Variants in RAP1GAP2 observed in about 807,000 individuals in gnomAD.
The protein encoded by RAP1GAP2 is rap1 GTPase-activating protein 2.
RAP1GAP2 carries 27 observed loss-of-function variants against 95.0 expected under a neutral mutation model. The observed-to-expected ratio is 0.28, with a 90% CI of 0.21 to 0.39. The LOEUF (loss-of-function observed/expected upper bound fraction) is 0.39, where lower values mean the gene tolerates loss of function less well. Among genes scored for constraint, RAP1GAP2 ranks in the 10% least tolerant of loss-of-function variants. The pLI is 1.00. For missense variants in RAP1GAP2, 771 were observed against 970.0 expected (o/e 0.79, Z 2.72); for synonymous variants, 373 against 380.9 (o/e 0.98, Z 0.24).
At position 2,913,413 on chromosome 17, in the gene RAP1GAP2, C is replaced by G. The variant is rs1035340424; in HGVS notation, c.165+8045C>G. ...AAGCGATTCTCCTCCCTCAGCCTCCCGAGTAGCTGGGATTACAGGCACACG... is the reference window on the plus strand; with the variant it reads ...AAGCGATTCTCCTCCCTCAGCCTCCGGAGTAGCTGGGATTACAGGCACACG... On this transcript the variant is annotated intron_variant, in intron 3 of 24. Transcript: ENST00000254695. Among the ~76,000 whole-genome samples, 6 of 152,058 alleles carry G rather than the reference C, an allele frequency of 3.9e-5. No homozygotes were observed. The East Asian group carries it at 9.6e-4, about 24-fold the overall frequency.
intron 11 of RAP1GAP2, among the ~76,000 whole-genome samples, chr17:2,987,138 G>C (rs549917515): frequency 1.6e-4 from 24 of 152,236 alleles, no homozygotes; most frequent in Admixed American, 5.9e-4. Context: ...AAACTTTATC[G>C]ATAAACACAG....
chr17:2,894,861 G>A (rs1472173035), intron 2 of RAP1GAP2, among the ~76,000 whole-genome samples: 9 of 152,084 alleles, frequency 5.9e-5, no homozygotes, highest in East Asian at 5.8e-4. Context: ...GCCCCGTTTC[G>A]GTCTTCCCCT....
At chr17:2,781,392 G>A (rs1003531323) in intron 1 of RAP1GAP2, among the ~76,000 whole-genome samples, 5 of 152,268 alleles carry the variant, frequency 3.3e-5, no homozygotes, top group African/African-American at 1.2e-4. Context: ...GTGTGCCTGT[G>A]CATGTGGACA....
At chr17:2,962,995 G>T (rs1279948413) in intron 5 of RAP1GAP2, 4 of 546,252 alleles carry the variant, frequency 7.3e-6, no homozygotes, top group South Asian at 2.4e-5. Flanking sequence ...TCCCTACCCT[G>T]TGCAGTGTGT....
chr17:3,022,227 C>T (rs2046984230), intron 19 of RAP1GAP2, among the ~76,000 whole-genome samples: 2 of 152,174 alleles, frequency 1.3e-5, no homozygotes, highest in African/African-American at 4.8e-5. Context: ...GTGGTGGGGG[C>T]AGATGTCACA....
At chr17:2,828,868 G>A (rs1466284278) in intron 2 of RAP1GAP2, among the ~76,000 whole-genome samples, 1 of 151,758 alleles carries the variant, frequency 6.6e-6, no homozygotes, top group East Asian at 1.9e-4. Flanking sequence ...CGGTTTCTGG[G>A]TATCTGTGTC....
chr17:2,942,980 G>A (rs1355541550), intron 3 of RAP1GAP2, among the ~76,000 whole-genome samples: 1 of 151,998 alleles, frequency 6.6e-6, no homozygotes, highest in Non-Finnish European at 1.5e-5. Context: ...TGTTGGTCAG[G>A]CTGGTCTTGA....
At chr17:2,917,167 T>C (rs1462774378) in intron 3 of RAP1GAP2, among the ~76,000 whole-genome samples, 1 of 152,192 alleles carries the variant, frequency 6.6e-6, no homozygotes, top group Non-Finnish European at 1.5e-5. Flanking sequence ...CCTGGACCCC[T>C]CTGAGGTTCT....
At chr17:3,014,509 A>C (rs1401030879) in intron 17 of RAP1GAP2, among the ~76,000 whole-genome samples, 1 of 151,334 alleles carries the variant, frequency 6.6e-6, no homozygotes, top group Non-Finnish European at 1.5e-5. Context: ...TGGTGTTGTC[A>C]ACGCACAAGG....
intron 2 of RAP1GAP2, among the ~76,000 whole-genome samples, chr17:2,837,251 T>TG (rs1463409457): frequency 2.3e-5 from 3 of 130,672 alleles, no homozygotes; most frequent in African/African-American, 9.2e-5. Flanking sequence ...ACTCTGTCTC[T>TG]GGAAAAAAAA....
chr17:2,902,344 G>A lies in RAP1GAP2; in HGVS notation c.81-2940G>A, dbSNP rs959515186. Among the ~76,000 whole-genome samples the A allele has an allele frequency of 6.6e-6, 1 of 152,044 alleles. No individual in the cohort carries two copies. Among genetic ancestry groups the A allele is most frequent in the African/African-American group, 2.4e-5 (1 of 41,402 alleles). ...CGATTCTCTTGCCTCAGCCTCCCAAGTAGCTCGGATGACAGGCACACGCCA... is the reference window on the plus strand; with the variant it reads ...CGATTCTCTTGCCTCAGCCTCCCAAATAGCTCGGATGACAGGCACACGCCA... On this transcript the variant is annotated intron_variant, in intron 2 of 24. Coordinates refer to ENST00000254695, the MANE Select transcript of RAP1GAP2 (RefSeq NM_015085.5). This position sits in a 1 kb window ranked among gnomAD's most constrained non-coding sequence, Gnocchi z 4.1.
chr17:2,893,719 T>G (rs9907207), intron 2 of RAP1GAP2, among the ~76,000 whole-genome samples: 1 of 152,160 alleles, frequency 6.6e-6, no homozygotes, highest in Non-Finnish European at 1.5e-5. Flanking sequence ...GCTCCCCCCA[T>G]GGAGGCCAGG....
At chr17:2,967,853 A>G (rs141378951) in intron 8 of RAP1GAP2, among the ~76,000 whole-genome samples, 123 of 152,290 alleles carry the variant, frequency 8.1e-4, no homozygotes, top group Middle Eastern at 3.4e-3. Flanking sequence ...GGATGTCCCA[A>G]ATTTATAACA....
intron 3 of RAP1GAP2, among the ~76,000 whole-genome samples, chr17:2,926,784 C>T (rs1028629194): frequency 1.3e-5 from 2 of 151,838 alleles, no homozygotes; most frequent in African/African-American, 4.8e-5. Context: ...GCGGGCGGAT[C>T]ACCTGAGGTC....
At chr17:2,960,213 C>G (rs955452011) in intron 4 of RAP1GAP2, among the ~76,000 whole-genome samples, 1 of 151,810 alleles carries the variant, frequency 6.6e-6, no homozygotes, top group East Asian at 1.9e-4. Context: ...GGCAGTGGCT[C>G]TGCGGTAGGT....
At chr17:2,892,670 G>T (rs9912966) in intron 2 of RAP1GAP2, among the ~76,000 whole-genome samples, 339 of 152,308 alleles carry the variant, frequency 2.2e-3, no homozygotes, top group African/African-American at 7.2e-3. Context: ...GGCCTTTCAC[G>T]TGCAGGCTTG....
intron 3 of RAP1GAP2, among the ~76,000 whole-genome samples, chr17:2,911,997 C>T (rs914123415): frequency 6.6e-6 from 1 of 152,208 alleles, no homozygotes; most frequent in Non-Finnish European, 1.5e-5. Flanking sequence ...AGGGCAGCCC[C>T]TCTCAGACCT....
intron 3 of RAP1GAP2, among the ~76,000 whole-genome samples, chr17:2,937,005 G>T (rs1241488310): frequency 6.6e-6 from 1 of 152,244 alleles, no homozygotes. Context: ...TGAAATGGGG[G>T]AAACAGCTAA....
chr17:2,922,288 C>G (rs2042806173), intron 3 of RAP1GAP2, among the ~76,000 whole-genome samples: 1 of 152,204 alleles, frequency 6.6e-6, no homozygotes, highest in Non-Finnish European at 1.5e-5. Context: ...GAGGGTGGAA[C>G]CTTTATTACC....
Sources: gnomAD v4.1 joint callset for allele counts (sites outside exome capture counted in the v4.1 genomes callset) on GRCh38, gnomAD v4.1.1 for gene constraint, Gnocchi (gnomAD v3.1) non-coding constraint, MANE v1.5 for transcripts, NCBI Gene and HGNC (gene_info 2026-07-23, HGNC 2026-07-21) for gene names.